The following NOSTRIN variants were observed in gnomAD, a reference collection of about 807,000 sequenced individuals.
NOSTRIN encodes nitric oxide synthase trafficking.
Under a neutral mutation model 59.0 loss-of-function variants are expected in NOSTRIN, and 63 were observed. The ratio of observed to expected loss-of-function variants is 1.07; its 90% CI spans 0.87 to 1.32. The LOEUF (loss-of-function observed/expected upper bound fraction) is 1.32, where lower values mean the gene tolerates loss of function less well. NOSTRIN is among the 40% of genes most tolerant of loss of function. NOSTRIN has a pLI of 0.00. For synonymous variants in NOSTRIN, 200 were observed against 165.4 expected (o/e 1.21, Z -1.61); for missense variants, 512 against 473.1 (o/e 1.08, Z -0.76).
rs767460271 is a variant in NOSTRIN, at chr2:168,834,515, A to ACACGCGCG, written c.504+193_504+194insGCGCGCAC. ...TGCGCGCGCGCGCGCGCGCACACAC[A>ACACGCGCG]CACACACACACACACACACACACAC... On this transcript the variant is annotated intron_variant, in intron 7 of 15. Coordinates refer to ENST00000317647, the MANE Select transcript of NOSTRIN (RefSeq NM_001039724.4). 2.6e-3 allele frequency among the ~76,000 whole-genome samples: 381 copies of ACACGCGCG among 144,928 alleles called. 2 individuals carry two copies. The highest frequency in any genetic ancestry group is 3.6e-3 in the Non-Finnish European group (238 of 66,194).
At chr2:168,864,085 A>AGTC (rs1380993355) in intron 15 of NOSTRIN, among the ~76,000 whole-genome samples, 2 of 152,090 alleles carry the variant, frequency 1.3e-5, no homozygotes, top group Non-Finnish European at 2.9e-5. Context: ...CTCCTGCCTC[A>AGTC]GTCTCCCAAA....
At chr2:168,805,116 T>C (rs984083484) in intron 1 of NOSTRIN, among the ~76,000 whole-genome samples, 1 of 152,216 alleles carries the variant, frequency 6.6e-6, no homozygotes, top group Non-Finnish European at 1.5e-5. Flanking sequence ...ATAGGTTTCA[T>C]GAGACTACAA....
At chr2:168,863,864 T>C (rs1000771286) in intron 15 of NOSTRIN, among the ~76,000 whole-genome samples, 2 of 151,794 alleles carry the variant, frequency 1.3e-5, no homozygotes, top group African/African-American at 2.4e-5. Context: ...TACATAGAAA[T>C]AGAAAGTGAG....
chr2:168,849,791 A>G (rs1333192235), intron 8 of NOSTRIN, among the ~76,000 whole-genome samples: 1 of 151,516 alleles, frequency 6.6e-6, no homozygotes, highest in Non-Finnish European at 1.5e-5. Context: ...ATGGCCTTGG[A>G]GTCTCCCTGA....
At chr2:168,855,605 C>CAAAAA in intron 11 of NOSTRIN, 145 bp downstream of exon 11, 3 of 152,514 alleles carry the variant, frequency 2.0e-5, no homozygotes, top group South Asian at 1.9e-4. Context: ...GTTGTGTGAA[C>CAAAAA]AAAAAAAAAA....
chr2:168,861,696 T>C (rs943553461), intron 14 of NOSTRIN, among the ~76,000 whole-genome samples: 5 of 152,234 alleles, frequency 3.3e-5, no homozygotes, highest in Non-Finnish European at 7.3e-5. Flanking sequence ...TATTATACAA[T>C]GATGTTTTTC....
chr2:168,843,394 G>A lies in NOSTRIN; in HGVS notation c.630+277G>A, dbSNP rs995584964. On this transcript the variant is annotated intron_variant, in intron 8 of 15. Transcript: ENST00000317647. ...GCTAACTTCAAAAAGTGCTGTCAAA[G>A]TGAAGCGTAAATTAAGGCTTAAGTG... Among the ~76,000 whole-genome samples the A allele has an allele frequency of 7.9e-5, 12 of 152,202 alleles. 1 individual carries two copies. Among genetic ancestry groups the A allele is most frequent in the African/African-American group, 2.9e-4 (12 of 41,448 alleles).
At chr2:168,791,162 T>G (rs907528768) in intron 2 of NOSTRIN, among the ~76,000 whole-genome samples, 15 of 152,232 alleles carry the variant, frequency 9.9e-5, no homozygotes, top group Non-Finnish European at 1.6e-4. Context: ...CCCACAACAG[T>G]CCCCAGTGTG....
Position 168,855,974 on chromosome 2 carries a change from T to C in NOSTRIN, c.964+514T>C, listed in dbSNP as rs955239369. The C allele has an allele frequency of 6.9e-6, 3 of 434,332 alleles. No individual in the cohort carries two copies. The Admixed American group carries it at 8.4e-5, about 12-fold the overall frequency. The allele number at this position is 434,332 out of a possible 1,614,324, so 26.9% of individuals were successfully genotyped here. On this transcript the variant is annotated intron_variant, in intron 11 of 15. Transcript: ENST00000317647. ...ATTTGTGACTCTGATGTCTACCTAGTAACTTGTTTTATATGGACCACGATA... is the reference window on the plus strand; with the variant it reads ...ATTTGTGACTCTGATGTCTACCTAGCAACTTGTTTTATATGGACCACGATA...
intron 15 of NOSTRIN, chr2:168,863,262 T>C (rs1212606998): frequency 3.4e-6 from 1 of 293,710 alleles, no homozygotes; most frequent in Admixed American, 6.5e-5. Flanking sequence ...ATTATGTCAA[T>C]TTACTGACGA....
At chr2:168,808,211 T>G (rs1024657432) in intron 1 of NOSTRIN, among the ~76,000 whole-genome samples, 2 of 152,000 alleles carry the variant, frequency 1.3e-5, no homozygotes, top group Non-Finnish European at 2.9e-5. Flanking sequence ...ATGAGCAGAG[T>G]TTTCTCTACA....
chr2:168,831,221 T>G (rs1156423574), intron 5 of NOSTRIN, among the ~76,000 whole-genome samples: 1 of 152,192 alleles, frequency 6.6e-6, no homozygotes, highest in Non-Finnish European at 1.5e-5. Flanking sequence ...AGTGGCTATT[T>G]ACTCACTGTA....
chr2:168,788,929 AGATAGAT>A (rs1685274698), intron 2 of NOSTRIN, among the ~76,000 whole-genome samples: 1 of 147,600 alleles, frequency 6.8e-6, no homozygotes, highest in South Asian at 2.1e-4. Context: ...ATAGATAGAT[AGATAGAT>A]GATAGATATT....
At chr2:168,834,507 G>GCGCGCGCGCACACACA (rs756381301) in intron 7 of NOSTRIN, among the ~76,000 whole-genome samples, 182 bp downstream of exon 7, 92 of 125,424 alleles carry the variant, frequency 7.3e-4, no homozygotes, top group Middle Eastern at 8.3e-3. Flanking sequence ...GCGCGCGCGC[G>GCGCGCGCGCACACACA]CACACACACA....
rs182222901 is a variant in NOSTRIN at position 168,847,906 on chromosome 2, T to C, written c.631-3178T>C. Among the ~76,000 whole-genome samples, 3 of 152,352 alleles carry C rather than the reference T, an allele frequency of 2.0e-5. No individual in the cohort carries two copies. The East Asian group carries it at 5.8e-4, about 29-fold the overall frequency. ...TTTTAATGATTTCCCTGAAATGTAA[T>C]TAAAATCTGTTAAGCATTACCATGT... On this transcript the variant is annotated intron_variant, in intron 8 of 15. Transcript: ENST00000317647.
Position 168,832,370 on chromosome 2 carries a change from G to A in NOSTRIN, c.405+836G>A, listed in dbSNP as rs75777276. Among the ~76,000 whole-genome samples, 910 of 152,264 alleles carry A rather than the reference G, an allele frequency of 6.0e-3. 9 individuals are homozygous for A. The highest frequency in any genetic ancestry group is 0.021 in the African/African-American group (869 of 41,544). ...GTAGTATAGGAGGAATTCATTTCAG[G>A]TAGAAAGGACTAGCAGTAAATCTAC... On this transcript the variant is annotated intron_variant, in intron 6 of 15. Coordinates refer to ENST00000317647, the MANE Select transcript of NOSTRIN (RefSeq NM_001039724.4).
chr2:168,794,438 G>A (rs375423358), upstream of NOSTRIN, among the ~76,000 whole-genome samples: 111 of 149,274 alleles, frequency 7.4e-4, 1 homozygote, highest in Middle Eastern at 6.9e-3. Flanking sequence ...TGCAAGCTCC[G>A]CCTCCCAGGT....
intron 8 of NOSTRIN, among the ~76,000 whole-genome samples, chr2:168,849,437 C>A (rs1688616284): frequency 6.6e-6 from 1 of 151,788 alleles, no homozygotes; most frequent in Admixed American, 6.6e-5. Flanking sequence ...CTCACTGCAA[C>A]CACCACCTCC....
At chr2:168,860,482 C>T (rs2105790331) in intron 13 of NOSTRIN, among the ~76,000 whole-genome samples, 1 of 152,226 alleles carries the variant, frequency 6.6e-6, no homozygotes, top group Non-Finnish European at 1.5e-5. Flanking sequence ...AGCAGCCTGG[C>T]TGACACGGTG....
Sources: allele counts gnomAD v4.1 joint callset (sites outside exome capture counted in the v4.1 genomes callset), GRCh38; gene constraint gnomAD v4.1.1; transcripts MANE v1.5; gene names NCBI Gene and HGNC (gene_info 2026-07-23, HGNC 2026-07-21).